The following HBEGF variants were observed in gnomAD, a reference collection of about 807,000 sequenced individuals.
HBEGF encodes heparin binding EGF like growth factor.
Under a neutral mutation model 19.5 loss-of-function variants are expected in HBEGF, and 8 were observed. The ratio of observed to expected loss-of-function variants is 0.41; its 90% CI spans 0.24 to 0.74. HBEGF has a LOEUF of 0.74. Among genes scored for constraint, HBEGF ranks in the 30% least tolerant of loss-of-function variants. The pLI is 0.32. For synonymous variants in HBEGF, 97 were observed against 108.9 expected (o/e 0.89, Z 0.68); for missense variants, 207 against 256.9 (o/e 0.81, Z 1.33).
At chr5:140,340,319 C>A (rs531878940) in intron 3 of HBEGF, among the ~76,000 whole-genome samples, 2 of 151,328 alleles carry the variant, frequency 1.3e-5, no homozygotes, top group African/African-American at 4.8e-5. Flanking sequence ...GTGGCTCATG[C>A]CTGTAATCCC....
intron 4 of HBEGF, 148 bp downstream of exon 4, chr5:140,335,724 C>T (rs1456313192): frequency 3.6e-6 from 3 of 836,468 alleles, no homozygotes; most frequent in African/African-American, 3.5e-5. Flanking sequence ...GCCAGAAATA[C>T]CAGGTTTTTG....
Position 140,346,428 on chromosome 5 carries a change from C to T in HBEGF, c.-100G>A, listed in dbSNP as rs1766402195. 7.5e-7 allele frequency: 1 copy of T among 1,330,528 alleles called. No homozygotes were observed. Among genetic ancestry groups the T allele is most frequent in the Non-Finnish European group, 1.0e-6 (1 of 958,104 alleles). The allele number at this position is 1,330,528 out of a possible 1,614,324, so 82.4% of individuals were successfully genotyped here. On this transcript the variant is annotated 5_prime_UTR_variant, in exon 1 of 6. Coordinates refer to ENST00000230990, the MANE Select transcript of HBEGF (RefSeq NM_001945.3). The surrounding 1 kb of genome is among the most constrained non-coding windows in gnomAD (Gnocchi z 6.1). The stretch of plus-strand genomic sequence containing the variant: ...CTGGGCGGCGGAGCTCAGGAGATTC[C>T]GCCGGGCACCGTCTGCCGCCCGCCT...
intron 3 of HBEGF, among the ~76,000 whole-genome samples, chr5:140,342,223 T>A (rs4150211): frequency 0.31 from 46,930 of 151,928 alleles, 7,769 homozygotes; most frequent in African/African-American, 0.41. Flanking sequence ...TACCTATACA[T>A]CATGCATCCA....
chr5:140,336,828 C>CTTT (rs1160533557), intron 3 of HBEGF, among the ~76,000 whole-genome samples: 27 of 129,804 alleles, frequency 2.1e-4, no homozygotes, highest in South Asian at 2.4e-4. Context: ...TTTTCTTTTT[C>CTTT]TTTTTTTTTT....
At chr5:140,334,632 T>C (rs201635443) in intron 5 of HBEGF, 26 bp downstream of exon 5, 4 of 1,464,538 alleles carry the variant, frequency 2.7e-6, no homozygotes, top group South Asian at 2.3e-5. Flanking sequence ...GATAATCATG[T>C]CATGGGGCAA....
intron 5 of HBEGF, 83 bp from the exon 6 acceptor site, chr5:140,334,363 T>G (rs1766196451): frequency 2.9e-6 from 1 of 341,566 alleles, no homozygotes; most frequent in East Asian, 5.2e-5. Flanking sequence ...TTTTTTATTT[T>G]TAAACTTTTT....
Position 140,334,669 on chromosome 5 carries a change from G to T in HBEGF, c.*7C>A. On this transcript the variant is annotated 3_prime_UTR_variant, in exon 5 of 6. Transcript: ENST00000230990. ...GGATGGAGCGTTACCTTGAGCACAA[G>T]TCTCTCTCAGTGGGAATTAGTCATG... The T allele has an allele frequency of 6.2e-7, 1 of 1,605,950 alleles. No homozygotes were observed. The highest frequency in any genetic ancestry group is 8.5e-7 in the Non-Finnish European group (1 of 1,172,540).
chr5:140,345,083 G>A (rs925499375), intron 2 of HBEGF, among the ~76,000 whole-genome samples: 2 of 152,230 alleles, frequency 1.3e-5, no homozygotes, highest in African/African-American at 2.4e-5. Flanking sequence ...CTGAGGAGCA[G>A]GTGGAACTAG....
In HBEGF at chr5:140,340,233, C is replaced by A. The variant is rs147214307; in HGVS notation, c.398+2402G>T. On this transcript the variant is annotated intron_variant, in intron 3 of 5. Transcript: ENST00000230990. ...TCTGGGAGGCGGAGGCTGCAGAGAG[C>A]CGAGATTGTGTCACTGCACTCCAGC... 4.7e-3 allele frequency among the ~76,000 whole-genome samples: 713 copies of A among 151,908 alleles called. 6 individuals are homozygous for A. The highest frequency in any genetic ancestry group is 0.017 in the African/African-American group (692 of 41,398).
chr5:140,346,213 AC>A lies in HBEGF; in HGVS notation c.46+69del, dbSNP rs1766397793. On this transcript the variant is annotated intron_variant, in intron 1 of 5. Transcript: ENST00000230990. This position sits in a 1 kb window ranked among gnomAD's most constrained non-coding sequence, Gnocchi z 6.1. ...GGCCCGTGCCGGGTGCGCTGCGGCG[AC>A]CTTCCCCCATGCCCCCAGCACAACG... 2 of 1,558,444 alleles carry A rather than the reference AC, an allele frequency of 1.3e-6. No individual in the cohort carries two copies. The highest frequency in any genetic ancestry group is 1.7e-6 in the Non-Finnish European group (2 of 1,152,376).
At chr5:140,335,300 C>T (rs998339068) in intron 4 of HBEGF, among the ~76,000 whole-genome samples, 6 of 149,590 alleles carry the variant, frequency 4.0e-5, no homozygotes, top group African/African-American at 1.2e-4. Context: ...AGGAGAATGG[C>T]GTGAACCCAG....
intron 2 of HBEGF, 52 bp downstream of exon 2, chr5:140,345,859 T>C: frequency 1.9e-6 from 3 of 1,601,958 alleles, no homozygotes; most frequent in Non-Finnish European, 2.6e-6. Context: ...TTGGATCTGC[T>C]TATTCTTCAA....
At chr5:140,343,046 C>A in intron 2 of HBEGF, 1 of 525,254 alleles carries the variant, frequency 1.9e-6, no homozygotes, top group Non-Finnish European at 3.4e-6. Flanking sequence ...CCAAGGAAGG[C>A]ATTTCACAGT....
intron 3 of HBEGF, among the ~76,000 whole-genome samples, chr5:140,340,960 G>A (rs547663442): frequency 6.6e-6 from 1 of 152,278 alleles, no homozygotes; most frequent in South Asian, 2.1e-4. Flanking sequence ...GAGGTACCAA[G>A]TCCTGCCTAC....
rs1204390960 is a variant in HBEGF at position 140,332,989 on chromosome 5, T to C, written c.*1310A>G. 6.6e-6 allele frequency: 1 copy of C among 152,486 alleles called. No homozygotes were observed. Among genetic ancestry groups the C allele is most frequent in the East Asian group, 1.9e-4 (1 of 5,180 alleles). The allele number at this position is 152,486 out of a possible 1,614,324, so 9.4% of individuals were successfully genotyped here. A position where few individuals can be genotyped will look rare whatever the true frequency, so the allele number is the denominator to read the frequency against. ...AACTTCATCGTTTTGGTGAGGTGGGTGGGATTATACAAAGCCTTCCCCACC... is the reference window on the plus strand; with the variant it reads ...AACTTCATCGTTTTGGTGAGGTGGGCGGGATTATACAAAGCCTTCCCCACC... On this transcript the variant is annotated 3_prime_UTR_variant, in exon 6 of 6. Transcript: ENST00000230990.
intron 3 of HBEGF, among the ~76,000 whole-genome samples, chr5:140,336,860 T>C (rs1766235406): frequency 6.7e-6 from 1 of 149,276 alleles, no homozygotes; most frequent in Admixed American, 6.7e-5. Context: ...GACAGAGTCT[T>C]GCTCTGTCTC....
intron 2 of HBEGF, among the ~76,000 whole-genome samples, chr5:140,343,581 G>C (rs375644161): frequency 6.6e-6 from 1 of 152,210 alleles, no homozygotes; most frequent in South Asian, 2.1e-4. Context: ...AAAATGGAAA[G>C]TAAGGAACTG....
chr5:140,340,474 T>C lies in HBEGF; in HGVS notation c.398+2161A>G, dbSNP rs576431853. On this transcript the variant is annotated intron_variant, in intron 3 of 5. Coordinates refer to ENST00000230990, the MANE Select transcript of HBEGF (RefSeq NM_001945.3). ...GGCAGGTGCCTGTAGTCCCAGCCAC[T>C]TAGGAGGCTGAGGCAGGAGAATTGC... Among the ~76,000 whole-genome samples the C allele has an allele frequency of 1.3e-4, 19 of 149,802 alleles. No individual in the cohort carries two copies. In the South Asian group the frequency reaches 3.6e-3, roughly 28 times the overall value.
At chr5:140,337,442 A>G (rs1230583491) in intron 3 of HBEGF, among the ~76,000 whole-genome samples, 2 of 152,218 alleles carry the variant, frequency 1.3e-5, no homozygotes, top group African/African-American at 2.4e-5. Flanking sequence ...ACTTTAGACC[A>G]CCAGCTGCTG....
Sources: allele counts gnomAD v4.1 joint callset (sites outside exome capture counted in the v4.1 genomes callset), GRCh38; gene constraint gnomAD v4.1.1; non-coding constraint Gnocchi (gnomAD v3.1); transcripts MANE v1.5; gene names NCBI Gene and HGNC (gene_info 2026-07-23, HGNC 2026-07-21).